ABHD18: variants seen among roughly 807,000 people sequenced by gnomAD.
The protein encoded by ABHD18 is abhydrolase domain containing 18, also known as cardiolipin-specific deacylase, mitochondrial.
ABHD18 carries 55 observed loss-of-function variants against 65.9 expected under a neutral mutation model. The ratio of observed to expected loss-of-function variants is 0.84; its 90% confidence interval spans 0.67 to 1.05. ABHD18 has a LOEUF of 1.05. Among genes scored for constraint, ABHD18 ranks in the 50% least tolerant of loss-of-function variants. ABHD18 has a pLI of 0.00. For missense variants in ABHD18, 533 were observed against 558.5 expected (o/e 0.95, Z 0.46); for synonymous variants, 181 against 180.2 (o/e 1.00, Z -0.04).
chr4:128,004,648 C>T (rs1031288788), intron 4 of ABHD18, among the ~76,000 whole-genome samples: 3 of 151,734 alleles, frequency 2.0e-5, no homozygotes, highest in Admixed American at 1.3e-4. Flanking sequence ...CAGTGGTTCA[C>T]GCCTGTAATC....
Position 128,039,600 on chromosome 4 carries a change from G to C in ABHD18, c.*3787G>C, listed in dbSNP as rs1216268881. 1 of 151,942 alleles carries C rather than the reference G, an allele frequency of 6.6e-6. No homozygotes were observed. Among genetic ancestry groups the C allele is most frequent in the African/African-American group, 2.4e-5 (1 of 41,356 alleles). The allele number at this position is 151,942 out of a possible 1,614,324, so 9.4% of individuals were successfully genotyped here. A position where few individuals can be genotyped will look rare whatever the true frequency, so the allele number is the denominator to read the frequency against. On this transcript the variant is annotated 3_prime_UTR_variant, in exon 13 of 13. Coordinates refer to ENST00000645843, the MANE Select transcript of ABHD18 (RefSeq NM_001358451.3). Reference sequence around the variant, plus strand: ...GTCCTTCTTTGTATTTTTGTAATGTGGTGCTTTCTCTCATAAAGATAATTG... The same window carrying C: ...GTCCTTCTTTGTATTTTTGTAATGTCGTGCTTTCTCTCATAAAGATAATTG...
At chr4:128,010,050 A>T (rs1230790079) in intron 6 of ABHD18, among the ~76,000 whole-genome samples, 1 of 152,194 alleles carries the variant, frequency 6.6e-6, no homozygotes, top group Non-Finnish European at 1.5e-5. Context: ...GACCTTGGAC[A>T]TGTTACATAA....
chr4:127,994,111 C>T (rs546748663), intron 4 of ABHD18, among the ~76,000 whole-genome samples: 35 of 152,262 alleles, frequency 2.3e-4, no homozygotes, highest in African/African-American at 7.5e-4. Context: ...AAGGGAACTG[C>T]AAGCATTCTT....
At chr4:127,985,250 G>T (rs1218027996) in intron 3 of ABHD18, among the ~76,000 whole-genome samples, 2 of 152,016 alleles carry the variant, frequency 1.3e-5, no homozygotes, top group Admixed American at 1.3e-4. Flanking sequence ...GAGGCACCTG[G>T]TTTTCTGTAA....
chr4:128,021,072 T>A, intron 9 of ABHD18, 65 bp from the exon 10 acceptor site: 22 of 841,640 alleles, frequency 2.6e-5, no homozygotes, highest in Non-Finnish European at 3.1e-5. Context: ...ACAGTAATAA[T>A]AATAAAAGTA....
intron 1 of ABHD18, among the ~76,000 whole-genome samples, chr4:127,971,264 A>G (rs980783227): frequency 5.9e-5 from 9 of 151,558 alleles, no homozygotes; most frequent in African/African-American, 1.9e-4. Flanking sequence ...CAAAAAAAAA[A>G]AAAAAAAAGA....
chr4:128,002,315 C>T (rs1289693111), intron 4 of ABHD18, among the ~76,000 whole-genome samples: 1 of 150,622 alleles, frequency 6.6e-6, no homozygotes, highest in Non-Finnish European at 1.5e-5. Flanking sequence ...CTCGCTCTGT[C>T]ACCCAGGTTG....
intron 1 of ABHD18, among the ~76,000 whole-genome samples, chr4:127,969,866 C>A (rs1358837935): frequency 6.6e-6 from 1 of 151,942 alleles, no homozygotes; most frequent in Admixed American, 6.6e-5. Context: ...CCCTCCACAG[C>A]CTACTGAGTA....
At chr4:128,017,330 A>G (rs1258251880) in intron 7 of ABHD18, 33 bp from the exon 8 acceptor site, 1 of 1,602,512 alleles carries the variant, frequency 6.2e-7, no homozygotes, top group Admixed American at 1.7e-5. Context: ...AATACATAAA[A>G]TAATCATTTT....
chr4:127,998,474 C>T (rs960861542), intron 4 of ABHD18, among the ~76,000 whole-genome samples: 3 of 150,468 alleles, frequency 2.0e-5, no homozygotes, highest in African/African-American at 4.9e-5. Context: ...CTCCTGACCT[C>T]GTGATCCGCC....
At chr4:128,026,694 T>G (rs1285069137) in intron 10 of ABHD18, among the ~76,000 whole-genome samples, 1 of 152,166 alleles carries the variant, frequency 6.6e-6, no homozygotes, top group Non-Finnish European at 1.5e-5. Flanking sequence ...TAAATTCTAT[T>G]GTACAGTCAT....
intron 4 of ABHD18, among the ~76,000 whole-genome samples, chr4:128,007,457 A>ACC (rs1753790586): frequency 6.6e-6 from 1 of 152,050 alleles, no homozygotes; most frequent in Non-Finnish European, 1.5e-5. Flanking sequence ...AGAAAAAAAC[A>ACC]AAGGCCAGGT....
chr4:128,022,161 T>A (rs1041763952), intron 10 of ABHD18, among the ~76,000 whole-genome samples: 1 of 152,288 alleles, frequency 6.6e-6, no homozygotes, highest in East Asian at 1.9e-4. Context: ...CAAGCCAACA[T>A]GGCACATGTA....
At chr4:127,987,258 A>G (rs1750131111) in intron 3 of ABHD18, among the ~76,000 whole-genome samples, 1 of 151,972 alleles carries the variant, frequency 6.6e-6, no homozygotes, top group South Asian at 2.1e-4. Flanking sequence ...AGGCGGAGGC[A>G]GGAGAATTGC....
At chr4:127,985,111 A>G (rs1020708396) in intron 3 of ABHD18, among the ~76,000 whole-genome samples, 6 of 152,222 alleles carry the variant, frequency 3.9e-5, no homozygotes, top group South Asian at 2.1e-4. Context: ...AGAAATTATT[A>G]ACAAACAACT....
At position 128,017,366 on chromosome 4, in the gene ABHD18, G is replaced by A. The variant is rs750162292; in HGVS notation, c.474G>A (p.Arg158=). Residue 158 remains arginine (R), a synonymous_variant, in exon 8 of 13, where the codon AGG becomes AGA. Coordinates refer to ENST00000645843, the MANE Select transcript of ABHD18 (RefSeq NM_001358451.3). Reference sequence around the variant, plus strand: ...CTATTTTGTTTTGTGAGGCTAGAAGGTCCAGCTTAAAAAATGTGTCCGACC... The same window carrying A: ...CTATTTTGTTTTGTGAGGCTAGAAGATCCAGCTTAAAAAATGTGTCCGACC... ...YGCRKPKDQV[R]SSLKNVSDLF... The A allele has an allele frequency of 9.3e-6, 15 of 1,612,908 alleles. No individual in the cohort carries two copies. Among genetic ancestry groups the A allele is most frequent in the Non-Finnish European group, 1.2e-5 (14 of 1,179,646 alleles).
At chr4:128,012,911 C>CA (rs113196192) in intron 7 of ABHD18, among the ~76,000 whole-genome samples, 4 of 151,702 alleles carry the variant, frequency 2.6e-5, no homozygotes, top group South Asian at 2.1e-4. Context: ...ACTAAAAATA[C>CA]AAAAATTAGC....
chr4:128,020,227 G>A, intron 9 of ABHD18, 58 bp downstream of exon 9: 1 of 1,419,048 alleles, frequency 7.0e-7, no homozygotes, highest in Non-Finnish European at 9.8e-7. Context: ...AATTGTTTTG[G>A]GGGGGTCCCC....
chr4:128,005,118 A>G (rs186821539), intron 4 of ABHD18, among the ~76,000 whole-genome samples: 284 of 152,226 alleles, frequency 1.9e-3, no homozygotes, highest in African/African-American at 6.3e-3. Flanking sequence ...AATCCCAGCT[A>G]CTTGGGAGGA....
Sources: allele counts gnomAD v4.1 joint callset (sites outside exome capture counted in the v4.1 genomes callset), GRCh38; gene constraint gnomAD v4.1.1; transcripts MANE v1.5; gene names NCBI Gene and HGNC (gene_info 2026-07-23, HGNC 2026-07-21).